TGFB2: variants seen among roughly 807,000 people sequenced by gnomAD.
TGFB2 encodes transforming growth factor beta 2.
In TGFB2, 13 loss-of-function variants were observed where a neutral mutation model predicts 42.7. That is an observed-to-expected ratio of 0.30 (90% CI 0.20 to 0.48). The LOEUF (loss-of-function observed/expected upper bound fraction) is 0.48, where lower values mean the gene tolerates loss of function less well. Ranked by LOEUF, TGFB2 falls within the 20% of genes least tolerant of loss-of-function variation. The pLI is 0.99. For synonymous variants in TGFB2, 193 were observed against 193.6 expected (o/e 1.00, Z 0.03); for missense variants, 390 against 517.5 (o/e 0.75, Z 2.39).
rs545013272 is a variant in TGFB2, at chr1:218,443,869, T to C, written c.*2507T>C. Reference sequence around the variant, plus strand: ...TTAATCAGCAGTACAATTTGATCGTTGGCATGGTTAAAAAATGGAATATAA... The same window carrying C: ...TTAATCAGCAGTACAATTTGATCGTCGGCATGGTTAAAAAATGGAATATAA... On this transcript the variant is annotated 3_prime_UTR_variant, in exon 7 of 7. Coordinates refer to ENST00000366930, the MANE Select transcript of TGFB2 (RefSeq NM_003238.6). The C allele has an allele frequency of 1.3e-5, 2 of 152,240 alleles. No homozygotes were observed. Among genetic ancestry groups the C allele is most frequent in the Admixed American group, 1.3e-4 (2 of 15,284 alleles). The allele number at this position is 152,240 out of a possible 1,614,324, so 9.4% of individuals were successfully genotyped here.
chr1:218,359,063 C>G (rs889542407), intron 1 of TGFB2, among the ~76,000 whole-genome samples: 1 of 152,080 alleles, frequency 6.6e-6, no homozygotes, highest in African/African-American at 2.4e-5. Context: ...ATTTTGGGCT[C>G]TGCAGGTTAA....
intron 1 of TGFB2, among the ~76,000 whole-genome samples, chr1:218,350,569 A>G (rs1656838868): frequency 6.6e-6 from 1 of 152,252 alleles, no homozygotes; most frequent in Admixed American, 6.5e-5. Context: ...AAATAATAAC[A>G]AAAATAAAAT....
chr1:218,346,712 G>A lies in TGFB2; in HGVS notation c.11G>A (p.Cys4Tyr), dbSNP rs776628524. ...CCACTTTTTTAAAAAATGCACTACT[G>A]TGTGCTGAGCGCTTTTCTGATCCTG... MHY[C>Y]VLSAFLILHL... The change falls in exon 1 of 7, where the codon TGT (cysteine) becomes TAT (tyrosine). Residue 4 changes from cysteine to tyrosine, a missense_variant. Coordinates refer to ENST00000366930, the MANE Select transcript of TGFB2 (RefSeq NM_003238.6). This position sits in a 1 kb window ranked among gnomAD's most constrained non-coding sequence, Gnocchi z 4.9. 2.7e-5 allele frequency: 44 copies of A among 1,610,006 alleles called. No homozygotes were observed. The South Asian group carries it at 4.8e-4, about 17-fold the overall frequency.
chr1:218,379,273 C>CA (rs1401346086), intron 1 of TGFB2, among the ~76,000 whole-genome samples: 1 of 151,708 alleles, frequency 6.6e-6, no homozygotes, highest in African/African-American at 2.4e-5. Context: ...GCTGGGACTA[C>CA]AGGCGCCCGC....
chr1:218,350,733 C>T (rs2102532102), intron 1 of TGFB2, among the ~76,000 whole-genome samples: 1 of 152,226 alleles, frequency 6.6e-6, no homozygotes, highest in African/African-American at 2.4e-5. Context: ...GACATCAAAA[C>T]TTCCCATTTA....
chr1:218,413,236 G>A (rs571468472), intron 2 of TGFB2, among the ~76,000 whole-genome samples: 40 of 152,244 alleles, frequency 2.6e-4, no homozygotes, highest in South Asian at 1.7e-3. Context: ...AGCTGGGCGC[G>A]GTGGCACATG....
At chr1:218,418,728 A>G (rs568223781) in intron 2 of TGFB2, among the ~76,000 whole-genome samples, 1 of 152,236 alleles carries the variant, frequency 6.6e-6, no homozygotes, top group African/African-American at 2.4e-5. Context: ...AGTCTTTCCC[A>G]TGCTGTTCTC....
chr1:218,361,645 G>T lies in TGFB2; in HGVS notation c.346+14598G>T, dbSNP rs369615468. 3.3e-5 allele frequency among the ~76,000 whole-genome samples: 5 copies of T among 152,234 alleles called. No individual in the cohort carries two copies. In the South Asian group the frequency reaches 1.0e-3, roughly 32 times the overall value. On this transcript the variant is annotated intron_variant, in intron 1 of 6. Coordinates refer to ENST00000366930, the MANE Select transcript of TGFB2 (RefSeq NM_003238.6). ...TACTCTGCATATTCTACCTTTCTCT[G>T]GTTGTATTCTTTGAGATTTTTATTT...
chr1:218,353,869 A>G (rs1299090073), intron 1 of TGFB2, among the ~76,000 whole-genome samples: 1 of 152,240 alleles, frequency 6.6e-6, no homozygotes, highest in East Asian at 1.9e-4. Flanking sequence ...CAGCCTGGGC[A>G]ACAGAGCGTG....
At chr1:218,405,050 G>C in intron 1 of TGFB2, 119 bp from the exon 2 acceptor site, 1 of 1,151,718 alleles carries the variant, frequency 8.7e-7, no homozygotes, top group Non-Finnish European at 1.2e-6. Context: ...TAAACTGGCC[G>C]TTGGAAACTA....
rs754731424 is a variant in TGFB2, at chr1:218,346,935, C to T, written c.234C>T (p.Leu78=). Residue 78 remains leucine, a synonymous_variant, in exon 1 of 7, where the codon CTC becomes CTT. Transcript: ENST00000366930. The surrounding 1 kb of genome is among the most constrained non-coding windows in gnomAD (Gnocchi z 4.9). ...TCTACAACAGCACCAGGGACTTGCT[C>T]CAGGAGAAGGCGAGCCGGAGGGCGG... ...ISIYNSTRDL[L]QEKASRRAAA... The T allele has an allele frequency of 3.1e-6, 5 of 1,614,014 alleles. No individual in the cohort carries two copies. The East Asian group carries it at 8.9e-5, about 29-fold the overall frequency.
At chr1:218,403,340 G>A (rs1390697858) in intron 1 of TGFB2, among the ~76,000 whole-genome samples, 1 of 152,160 alleles carries the variant, frequency 6.6e-6, no homozygotes. Context: ...GGGCCTGTGT[G>A]CTGAGAGTCA....
At chr1:218,379,487 C>CTTTCTTTCTT (rs375611057) in intron 1 of TGFB2, among the ~76,000 whole-genome samples, 6 of 133,412 alleles carry the variant, frequency 4.5e-5, no homozygotes, top group East Asian at 4.5e-4. Context: ...TTCTTTCTTT[C>CTTTCTTTCTT]TTTTTTTTTT....
chr1:218,353,839 A>C (rs1287102048), intron 1 of TGFB2, among the ~76,000 whole-genome samples: 1 of 152,154 alleles, frequency 6.6e-6, no homozygotes, highest in African/African-American at 2.4e-5. Context: ...GCAGTGAGCT[A>C]TGACTGCCCC....
intron 1 of TGFB2, among the ~76,000 whole-genome samples, chr1:218,391,617 A>G (rs1034787744): frequency 7.2e-5 from 11 of 152,246 alleles, no homozygotes; most frequent in Admixed American, 7.2e-4. Context: ...CCTTCTCAGC[A>G]TATTTAAAAT....
At chr1:218,412,629 C>G (rs1659138139) in intron 2 of TGFB2, among the ~76,000 whole-genome samples, 1 of 152,158 alleles carries the variant, frequency 6.6e-6, no homozygotes, top group East Asian at 1.9e-4. Flanking sequence ...TAGTAATTCC[C>G]AATTAGCTTG....
In TGFB2 at chr1:218,372,982, G is replaced by T. The variant is rs997915176; in HGVS notation, c.346+25935G>T. ...ACCTGAGGTCAGGAGTTCAAGACCA[G>T]CCTGATCACCATGGACAAACCCCAT... On this transcript the variant is annotated intron_variant, in intron 1 of 6. Coordinates refer to ENST00000366930, the MANE Select transcript of TGFB2 (RefSeq NM_003238.6). Among the ~76,000 whole-genome samples, 3 of 152,246 alleles carry T rather than the reference G, an allele frequency of 2.0e-5. No individual in the cohort carries two copies. In the East Asian group the frequency reaches 5.8e-4, roughly 29 times the overall value.
chr1:218,391,950 C>T (rs1037141123), intron 1 of TGFB2, among the ~76,000 whole-genome samples: 4 of 152,144 alleles, frequency 2.6e-5, no homozygotes, highest in Non-Finnish European at 4.4e-5. Context: ...TAGAGAACAA[C>T]TAGAACAAGT....
chr1:218,376,874 G>A (rs1027559712), intron 1 of TGFB2, among the ~76,000 whole-genome samples: 2 of 152,150 alleles, frequency 1.3e-5, no homozygotes, highest in African/African-American at 4.8e-5. Flanking sequence ...AAACACATAG[G>A]AAGATGGTTG....
Sources: gnomAD v4.1 joint callset for allele counts (sites outside exome capture counted in the v4.1 genomes callset) on GRCh38, gnomAD v4.1.1 for gene constraint, Gnocchi (gnomAD v3.1) non-coding constraint, MANE v1.5 for transcripts, NCBI Gene and HGNC (gene_info 2026-07-23, HGNC 2026-07-21) for gene names.